TBC1D4: variants seen among roughly 807,000 people sequenced by gnomAD.
TBC1D4 encodes the protein TBC (Tre-2, BUB2, CDC16) domain-containing protein.
TBC1D4 carries 121 observed loss-of-function variants against 142.5 expected under a neutral mutation model. That is an observed-to-expected ratio of 0.85 (90% confidence interval 0.73 to 0.99). The LOEUF (loss-of-function observed/expected upper bound fraction) is 0.99, where lower values mean the gene tolerates loss of function less well. Ranked by LOEUF, TBC1D4 falls within the 50% of genes least tolerant of loss-of-function variation. The pLI, the probability that TBC1D4 is intolerant of heterozygous loss-of-function variation, is 0.00. For missense variants in TBC1D4, 1,475 were observed against 1,606.6 expected, an observed-to-expected ratio of 0.92 and a Z score of 1.40; for synonymous variants, 630 against 628.2, an observed-to-expected ratio of 1.00 and a Z score of -0.04.
At chr13:75,338,961 T>C (rs563953114) in intron 7 of TBC1D4, among the ~76,000 whole-genome samples, 5 of 152,318 alleles carry the variant, frequency 3.3e-5, no homozygotes, top group Non-Finnish European at 7.3e-5. Flanking sequence ...GCCGCCTAAA[T>C]AGCTCTTCAC....
At chr13:75,302,559 A>C (rs1876689437) in intron 15 of TBC1D4, 158 bp from the exon 16 acceptor site, 4 of 823,348 alleles carry the variant, frequency 4.9e-6, no homozygotes, top group Middle Eastern at 2.7e-4. Context: ...TATTTTGACA[A>C]GCTGAATCCT....
In TBC1D4 at chr13:75,284,981, A is replaced by G. The variant is rs1222650990; in HGVS notation, c.*1811T>C. On this transcript the variant is annotated 3_prime_UTR_variant, in exon 21 of 21. Coordinates refer to ENST00000377636, the MANE Select transcript of TBC1D4 (RefSeq NM_014832.5). ...TACCATCGGTGCATCACACCCATAA[A>G]GTAATTGTCATCAACAGACCGTAAA... 2.0e-5 allele frequency: 3 copies of G among 152,298 alleles called. No homozygotes were observed. In the East Asian group the frequency reaches 5.8e-4, roughly 29 times the overall value. The allele number at this position is 152,298 out of a possible 1,614,324, so 9.4% of individuals were successfully genotyped here. A position where few individuals can be genotyped will look rare whatever the true frequency, so the allele number is the denominator to read the frequency against.
intron 16 of TBC1D4, 99 bp from the exon 17 acceptor site, chr13:75,299,673 C>A: frequency 7.0e-7 from 1 of 1,428,642 alleles, no homozygotes; most frequent in East Asian, 2.3e-5. Flanking sequence ...TAAACAGACA[C>A]TCTTTCCCAA....
chr13:75,343,306 TG>T (rs1880866170), intron 5 of TBC1D4, among the ~76,000 whole-genome samples: 1 of 152,198 alleles, frequency 6.6e-6, no homozygotes. Flanking sequence ...CACACAGTAC[TG>T]CCATACTGCA....
chr13:75,349,207 C>T lies in TBC1D4; in HGVS notation c.1371G>A (p.Pro457=), dbSNP rs751377903. The part of the protein sequence containing the change: ...KTQIKLCEAC[P]MHSLHKLCER... The stretch of plus-strand genomic sequence containing the variant: ...CACAGAGCTTATGCAAAGAGTGCAT[C>T]GGGCAGGCCTCACACAGTTTAATCT... Residue 457 remains proline, a synonymous_variant, in exon 5 of 21, where the codon CCG becomes CCA. Coordinates refer to ENST00000377636, the MANE Select transcript of TBC1D4 (RefSeq NM_014832.5). The T allele has an allele frequency of 4.3e-6, 7 of 1,613,910 alleles. No individual in the cohort carries two copies. In the East Asian group the frequency reaches 6.7e-5, roughly 15 times the overall value.
chr13:75,368,252 T>C (rs1460474774), intron 1 of TBC1D4, among the ~76,000 whole-genome samples: 1 of 152,218 alleles, frequency 6.6e-6, no homozygotes, highest in Non-Finnish European at 1.5e-5. Context: ...TGTCTTATTT[T>C]ACAGATGTGG....
intron 9 of TBC1D4, among the ~76,000 whole-genome samples, chr13:75,326,665 T>C (rs577315206): frequency 6.6e-6 from 1 of 152,342 alleles, no homozygotes; most frequent in Non-Finnish European, 1.5e-5. Context: ...GATAAGCAGC[T>C]GTAAGACAGC....
At chr13:75,335,989 CA>C (rs2138054026) in intron 8 of TBC1D4, among the ~76,000 whole-genome samples, 1 of 152,264 alleles carries the variant, frequency 6.6e-6, no homozygotes, top group South Asian at 2.1e-4. Flanking sequence ...TATTGAGCAT[CA>C]GTATTCTATT....
rs141464687 is a variant in TBC1D4, at chr13:75,296,244, TG to T, written c.3157-1232del. ...AGATTATTATCTCAAAAAATCATGT[TG>T]AAAAAAAACATACATTTCCTTTAGA... On this transcript the variant is annotated intron_variant, in intron 17 of 20. Transcript: ENST00000377636. 4.8e-3 allele frequency among the ~76,000 whole-genome samples: 734 copies of T among 151,792 alleles called. 6 individuals carry two copies. The highest frequency in any genetic ancestry group is 0.016 in the African/African-American group (678 of 41,432).
At chr13:75,305,797 T>C (rs1329011129) in intron 15 of TBC1D4, among the ~76,000 whole-genome samples, 2 of 152,184 alleles carry the variant, frequency 1.3e-5, no homozygotes, top group African/African-American at 4.8e-5. Context: ...TCAGGCATCT[T>C]ATATGGCATA....
intron 1 of TBC1D4, among the ~76,000 whole-genome samples, chr13:75,366,682 C>A (rs1408579728): frequency 1.5e-4 from 23 of 148,584 alleles, no homozygotes; most frequent in African/African-American, 1.5e-4. Flanking sequence ...TCACTCTAGA[C>A]AAAAAAAAAA....
chr13:75,391,026 C>T (rs974524855), intron 1 of TBC1D4, among the ~76,000 whole-genome samples: 2 of 134,282 alleles, frequency 1.5e-5, no homozygotes, highest in African/African-American at 2.9e-5. Flanking sequence ...GCCACTTATT[C>T]CCCCACCACA....
At chr13:75,395,309 G>A (rs1485493222) in intron 1 of TBC1D4, among the ~76,000 whole-genome samples, 1 of 152,122 alleles carries the variant, frequency 6.6e-6, no homozygotes, top group African/African-American at 2.4e-5. Flanking sequence ...ATCTAAACAG[G>A]AACAAACATG....
chr13:75,472,370 G>T (rs1250172700), intron 1 of TBC1D4, among the ~76,000 whole-genome samples: 1 of 152,086 alleles, frequency 6.6e-6, no homozygotes, highest in Non-Finnish European at 1.5e-5. Context: ...AGTGAGCCGA[G>T]ATCACGCCAC....
intron 4 of TBC1D4, among the ~76,000 whole-genome samples, chr13:75,351,661 C>T (rs1245526911): frequency 6.8e-6 from 1 of 147,144 alleles, no homozygotes; most frequent in African/African-American, 2.5e-5. Context: ...TGAGTGAGAA[C>T]ATGCGGTGTT....
At chr13:75,399,773 T>C (rs1476825456) in intron 1 of TBC1D4, among the ~76,000 whole-genome samples, 1 of 152,206 alleles carries the variant, frequency 6.6e-6, no homozygotes, top group East Asian at 1.9e-4. Flanking sequence ...CTGTGGCTGC[T>C]CTGACCAAAA....
chr13:75,405,091 C>A (rs1299530036), intron 1 of TBC1D4, among the ~76,000 whole-genome samples: 2 of 151,940 alleles, frequency 1.3e-5, no homozygotes, highest in Non-Finnish European at 2.9e-5. Context: ...CCCTTACTGA[C>A]ACAAAAAGGG....
At chr13:75,427,045 G>A (rs1036211721) in intron 1 of TBC1D4, among the ~76,000 whole-genome samples, 1 of 151,806 alleles carries the variant, frequency 6.6e-6, no homozygotes, top group Non-Finnish European at 1.5e-5. Context: ...GACTGTCTCA[G>A]AAGAAAAAGA....
At chr13:75,457,937 A>C (rs1052627859) in intron 1 of TBC1D4, among the ~76,000 whole-genome samples, 1 of 152,200 alleles carries the variant, frequency 6.6e-6, no homozygotes, top group Admixed American at 6.5e-5. Context: ...GCAGATGGGC[A>C]GGTGCAGGAG....
Sources: allele counts gnomAD v4.1 joint callset (sites outside exome capture counted in the v4.1 genomes callset), GRCh38; gene constraint gnomAD v4.1.1; transcripts MANE v1.5; gene names NCBI Gene and HGNC (gene_info 2026-07-23, HGNC 2026-07-21).